Variants in TUSC3 observed in about 807,000 individuals in gnomAD.
TUSC3 encodes tumor suppressor candidate 3, also known as dolichyl-diphosphooligosaccharide--protein glycosyltransferase subunit TUSC3.
Under a neutral mutation model 44.8 loss-of-function variants are expected in TUSC3, and 45 were observed. The ratio of observed to expected loss-of-function variants is 1.00; its 90% CI spans 0.79 to 1.29. The LOEUF is 1.29. Ranked by LOEUF, TUSC3 falls within the 50% of genes most tolerant of loss-of-function variation. TUSC3 has a pLI of 0.00. For missense variants in TUSC3, 519 were observed against 437.9 expected (o/e 1.19, Z -1.65); for synonymous variants, 212 against 152.9 (o/e 1.39, Z -2.85).
chr8:15,707,802 T>G (rs569197173), intron 6 of TUSC3, among the ~76,000 whole-genome samples: 2 of 151,866 alleles, frequency 1.3e-5, no homozygotes, highest in Non-Finnish European at 2.9e-5. Flanking sequence ...CAACACAAAT[T>G]TGTTCTCTCA....
intron 2 of TUSC3, among the ~76,000 whole-genome samples, chr8:15,639,088 C>T (rs1806237489): frequency 6.8e-6 from 1 of 146,504 alleles, no homozygotes; most frequent in Admixed American, 6.7e-5. Flanking sequence ...ACGTGATGTT[C>T]AGGGCTTCAG....
At chr8:15,821,104 C>T in the TUSC3 span, among the ~76,000 whole-genome samples, 1 of 151,920 alleles carries the variant, frequency 6.6e-6, no homozygotes, top group Admixed American at 6.6e-5. Flanking sequence ...CTTAGTTTTC[C>T]CTCATCTTAA....
intron 1 of TUSC3, among the ~76,000 whole-genome samples, chr8:15,562,442 A>C (rs868422858): frequency 1.3e-5 from 2 of 152,150 alleles, no homozygotes; most frequent in African/African-American, 4.8e-5. Context: ...TGGGTATATT[A>C]GTTTTATATT....
At chr8:15,715,862 A>T (rs918984830) in intron 6 of TUSC3, among the ~76,000 whole-genome samples, 1 of 152,160 alleles carries the variant, frequency 6.6e-6, no homozygotes, top group Non-Finnish European at 1.5e-5. Context: ...TATTTCCATG[A>T]AAACGTATCT....
chr8:15,651,921 A>G (rs79781345), intron 3 of TUSC3, among the ~76,000 whole-genome samples: 3,444 of 152,252 alleles, frequency 0.023, 124 homozygotes, highest in African/African-American at 0.077. Flanking sequence ...GTATTATTTC[A>G]TCTAGCTTCA....
At chr8:15,459,682 A>T (rs551171721) in intron 1 of TUSC3, among the ~76,000 whole-genome samples, 2 of 152,122 alleles carry the variant, frequency 1.3e-5, no homozygotes, top group Non-Finnish European at 2.9e-5. Context: ...TGGTGTCCTC[A>T]TAGTTTAGCT....
chr8:15,603,866 CA>C (rs1276715244), intron 1 of TUSC3, among the ~76,000 whole-genome samples: 1 of 151,092 alleles, frequency 6.6e-6, no homozygotes, highest in Admixed American at 6.6e-5. Context: ...TCCCCTTTTT[CA>C]AGTTTATCAC....
At chr8:15,561,870 C>G (rs1019170968) in intron 1 of TUSC3, among the ~76,000 whole-genome samples, 2 of 152,106 alleles carry the variant, frequency 1.3e-5, no homozygotes, top group African/African-American at 2.4e-5. Flanking sequence ...GGCTGGCGCA[C>G]GGTGTGCGCA....
intron 1 of TUSC3, among the ~76,000 whole-genome samples, chr8:15,433,819 C>A (rs1799910126): frequency 6.6e-6 from 1 of 152,076 alleles, no homozygotes; most frequent in Non-Finnish European, 1.5e-5. Flanking sequence ...ATGGATACAT[C>A]AACACATACT....
chr8:15,650,764 C>A lies in TUSC3; in HGVS notation c.376C>A (p.Leu126Ile). 1 of 1,614,144 alleles carries A rather than the reference C, an allele frequency of 6.2e-7. No homozygotes were observed. The highest frequency in any genetic ancestry group is 8.5e-7 in the Non-Finnish European group (1 of 1,180,030). The change falls in exon 3 of 11, where the codon CTC becomes ATC. Residue 126 changes from leucine to isoleucine, a missense_variant. By Grantham distance (5) the Leu-to-Ile change is conservative (BLOSUM62 2). Transcript: ENST00000503731. ...WRYSSAFCNK[L>I]FFSMVDYDEG... The stretch of plus-strand genomic sequence containing the variant: ...CTATTCATCTGCTTTTTGTAACAAG[C>A]TCTTCTTCAGTATGGTGGACTATGA...
At chr8:15,735,448 A>G (rs1810888556) in intron 7 of TUSC3, among the ~76,000 whole-genome samples, 1 of 152,204 alleles carries the variant, frequency 6.6e-6, no homozygotes, top group Non-Finnish European at 1.5e-5. Context: ...ATTAGGCCTC[A>G]TAATTGGTTG....
At chr8:15,617,132 G>GTGTGTGTGTGTGTGTA (rs375212684) in intron 1 of TUSC3, among the ~76,000 whole-genome samples, 17 of 77,646 alleles carry the variant, frequency 2.2e-4, no homozygotes, top group South Asian at 1.7e-3. Flanking sequence ...GTGTGTGTGT[G>GTGTGTGTGTGTGTGTA]TATATATTTT....
the TUSC3 span, among the ~76,000 whole-genome samples, chr8:15,786,560 G>T: frequency 6.6e-6 from 1 of 152,110 alleles, no homozygotes; most frequent in East Asian, 1.9e-4. Context: ...TAGAGAAAAA[G>T]ATTGCCTGGT....
intron 6 of TUSC3, among the ~76,000 whole-genome samples, chr8:15,704,681 GTGTC>G (rs1809546056): frequency 6.6e-6 from 1 of 151,698 alleles, no homozygotes. Context: ...CACTGCCCCT[GTGTC>G]TGTCTGTACA....
chr8:15,698,621 T>A (rs995921315), intron 6 of TUSC3, among the ~76,000 whole-genome samples: 1 of 152,176 alleles, frequency 6.6e-6, no homozygotes, highest in Non-Finnish European at 1.5e-5. Context: ...CTCAGAATAT[T>A]TGCTATTAGG....
chr8:15,612,977 C>A lies in TUSC3; in HGVS notation c.139-10103C>A, dbSNP rs150970272. Among the ~76,000 whole-genome samples the A allele has an allele frequency of 2.6e-4, 39 of 151,504 alleles. No homozygotes were observed. The East Asian group carries it at 7.2e-3, about 28-fold the overall frequency. ...GTTCACAGAAACAATATATTCTTTA[C>A]CATCCCTTCCTGAGTTGGCACTAAG... On this transcript the variant is annotated intron_variant, in intron 1 of 10. Coordinates refer to ENST00000503731, the MANE Select transcript of TUSC3 (RefSeq NM_006765.4).
intron 1 of TUSC3, among the ~76,000 whole-genome samples, chr8:15,567,022 T>G (rs1050730965): frequency 6.6e-6 from 1 of 152,152 alleles, no homozygotes; most frequent in South Asian, 2.1e-4. Context: ...TTGGCTAAGA[T>G]AATGGCAAAT....
At chr8:15,538,816 T>C (rs1371883082), upstream of TUSC3, among the ~76,000 whole-genome samples, 1 of 151,784 alleles carries the variant, frequency 6.6e-6, no homozygotes, top group Admixed American at 6.6e-5. Context: ...TATACGTATA[T>C]ATTCCTTAAG....
chr8:15,520,926 G>A (rs1012919638), intron 2 of TUSC3, among the ~76,000 whole-genome samples: 3 of 152,204 alleles, frequency 2.0e-5, no homozygotes, highest in Non-Finnish European at 4.4e-5. Context: ...CAGCCAAAGT[G>A]GAGCCTGAAA....
Sources: allele counts gnomAD v4.1 joint callset (sites outside exome capture counted in the v4.1 genomes callset), GRCh38; gene constraint gnomAD v4.1.1; transcripts MANE v1.5; gene names NCBI Gene and HGNC (gene_info 2026-07-23, HGNC 2026-07-21).